Variants in CAMTA1 observed in about 807,000 individuals in gnomAD.
CAMTA1 encodes calmodulin-binding transcription activator 1.
A neutral mutation model predicts 170.9 loss-of-function variants in CAMTA1; 27 were observed. The observed-to-expected ratio is 0.16, with a 90% CI of 0.12 to 0.22. The LOEUF (loss-of-function observed/expected upper bound fraction) is 0.22, where lower values mean the gene tolerates loss of function less well. Ranked by LOEUF, CAMTA1 falls within the 10% of genes least tolerant of loss-of-function variation. The pLI is 1.00. For missense variants in CAMTA1, 1,619 were observed against 2,217.2 expected (o/e 0.73, Z 5.42); for synonymous variants, 833 against 891.5 (o/e 0.93, Z 1.17).
intron 3 of CAMTA1, among the ~76,000 whole-genome samples, chr1:6,899,392 T>C (rs776956786): frequency 2.2e-4 from 33 of 152,260 alleles, no homozygotes; most frequent in Non-Finnish European, 3.8e-4. Flanking sequence ...CACAACTCCC[T>C]GTAGGGCTGG....
chr1:7,337,943 A>G (rs2083510750), intron 5 of CAMTA1, among the ~76,000 whole-genome samples: 1 of 151,962 alleles, frequency 6.6e-6, no homozygotes, highest in African/African-American at 2.4e-5. Context: ...GTGTGAGCCA[A>G]TTCCTTAGAA....
intron 4 of CAMTA1, among the ~76,000 whole-genome samples, chr1:7,143,693 T>C (rs1646018470): frequency 1.3e-5 from 2 of 152,222 alleles, no homozygotes. Flanking sequence ...TACTCAGCTA[T>C]ATAGCAAACA....
chr1:7,638,653 A>G (rs554664399), intron 6 of CAMTA1, among the ~76,000 whole-genome samples: 9 of 152,246 alleles, frequency 5.9e-5, no homozygotes, highest in African/African-American at 2.2e-4. Flanking sequence ...AGGAAAAAAA[A>G]AAGGTTCAAG....
At chr1:6,789,696 C>G (rs1277243050) in intron 1 of CAMTA1, among the ~76,000 whole-genome samples, 1 of 151,928 alleles carries the variant, frequency 6.6e-6, no homozygotes, top group Non-Finnish European at 1.5e-5. Context: ...TTCAGGAGAC[C>G]TTTACCGAGC....
intron 6 of CAMTA1, among the ~76,000 whole-genome samples, chr1:7,593,108 T>G (rs981485835): frequency 2.0e-5 from 3 of 152,194 alleles, no homozygotes; most frequent in African/African-American, 7.2e-5. Context: ...GGGCAGTGAT[T>G]TCTCATCCAG....
intron 11 of CAMTA1, among the ~76,000 whole-genome samples, chr1:7,723,938 A>G (rs1368719379): frequency 6.6e-6 from 1 of 151,962 alleles, no homozygotes; most frequent in African/African-American, 2.4e-5. Flanking sequence ...TCCTGCCTCA[A>G]TCTCCCAAGT....
At chr1:6,804,146 C>T (rs910254685) in intron 1 of CAMTA1, among the ~76,000 whole-genome samples, 3 of 150,678 alleles carry the variant, frequency 2.0e-5, no homozygotes, top group Non-Finnish European at 4.4e-5. Flanking sequence ...ATTGTGCCAT[C>T]GCACTCCAGC....
chr1:7,128,437 G>C (rs1401417602), intron 4 of CAMTA1, among the ~76,000 whole-genome samples: 1 of 152,178 alleles, frequency 6.6e-6, no homozygotes, highest in African/African-American at 2.4e-5. Flanking sequence ...TGAGATAGCA[G>C]GTGTTAGAAA....
intron 4 of CAMTA1, among the ~76,000 whole-genome samples, chr1:7,107,233 A>G (rs1288172737): frequency 1.3e-5 from 2 of 150,916 alleles, no homozygotes; most frequent in Non-Finnish European, 2.9e-5. Flanking sequence ...CCCAGACGGC[A>G]CACGCAGGAG....
At chr1:7,515,931 C>G (rs1485658438) in intron 6 of CAMTA1, among the ~76,000 whole-genome samples, 1 of 152,188 alleles carries the variant, frequency 6.6e-6, no homozygotes, top group African/African-American at 2.4e-5. Context: ...GATTGTGGAG[C>G]CTGGTGGCTC....
chr1:7,479,025 G>A (rs952283429), intron 6 of CAMTA1, among the ~76,000 whole-genome samples: 4 of 152,198 alleles, frequency 2.6e-5, no homozygotes, highest in African/African-American at 7.2e-5. Context: ...AGTGGAAGAC[G>A]TGGGCGGTGG....
intron 7 of CAMTA1, among the ~76,000 whole-genome samples, chr1:7,656,575 G>A (rs997893912): frequency 7.9e-5 from 12 of 152,226 alleles, no homozygotes; most frequent in Non-Finnish European, 1.2e-4. Flanking sequence ...GAGGAAAATA[G>A]GACGGCCCTA....
At chr1:6,874,073 C>T (rs1669145441) in intron 3 of CAMTA1, 1 of 152,240 alleles carries the variant, frequency 6.6e-6, no homozygotes. Flanking sequence ...GTTTTATCCT[C>T]TGTGAAATGT....
chr1:7,688,347 T>C (rs1231851075), intron 11 of CAMTA1, among the ~76,000 whole-genome samples: 1 of 152,180 alleles, frequency 6.6e-6, no homozygotes, highest in African/African-American at 2.4e-5. Context: ...GTGGGTCAGC[T>C]GTTCCACTAA....
At chr1:6,866,556 C>T (rs755613270) in intron 3 of CAMTA1, among the ~76,000 whole-genome samples, 80 of 151,994 alleles carry the variant, frequency 5.3e-4, no homozygotes, top group Non-Finnish European at 9.7e-4. Context: ...GATCATTTTT[C>T]CCTAGTGGGT....
chr1:7,248,934 C>T lies in CAMTA1; in HGVS notation c.303-557C>T, dbSNP rs1156385226. ...ACTTAGCTTGCTTGAGAAGCAAGAC[C>T]GCAGATGCTCTTTCATATCTAGCAG... On this transcript the variant is annotated intron_variant, in intron 4 of 22. Coordinates refer to ENST00000303635, the MANE Select transcript of CAMTA1 (RefSeq NM_015215.4). This position sits in a 1 kb window ranked among gnomAD's most constrained non-coding sequence, Gnocchi z 4.0. Among the ~76,000 whole-genome samples, 2 of 152,234 alleles carry T rather than the reference C, an allele frequency of 1.3e-5. No homozygotes were observed. Among genetic ancestry groups the T allele is most frequent in the East Asian group, 1.9e-4 (1 of 5,182 alleles).
rs540831780 is a variant in CAMTA1 at position 7,173,102 on chromosome 1, C to T, written c.303-76389C>T. Among the ~76,000 whole-genome samples, 144 of 152,328 alleles carry T rather than the reference C, an allele frequency of 9.5e-4. 1 individual carries two copies. The highest frequency in any genetic ancestry group is 3.4e-3 in the African/African-American group (141 of 41,572). The stretch of plus-strand genomic sequence containing the variant: ...GCAAGAGCAGCCAGACGCTGCGTCC[C>T]TCCTGTCTCTTCAGCTGCGCCTTCC... On this transcript the variant is annotated intron_variant, in intron 4 of 22. Coordinates refer to ENST00000303635, the MANE Select transcript of CAMTA1 (RefSeq NM_015215.4). This position sits in a 1 kb window ranked among gnomAD's most constrained non-coding sequence, Gnocchi z 5.4.
intron 5 of CAMTA1, among the ~76,000 whole-genome samples, chr1:7,328,341 A>G (rs2082819372): frequency 1.9e-5 from 2 of 105,348 alleles, no homozygotes; most frequent in African/African-American, 9.1e-5. Context: ...GCAAAAAAAA[A>G]TTCTTTTGCT....
chr1:7,638,945 C>G lies in CAMTA1; in HGVS notation c.511-1455C>G, dbSNP rs185144765. Among the ~76,000 whole-genome samples, 1,161 of 152,184 alleles carry G rather than the reference C, an allele frequency of 7.6e-3. 16 individuals carry two copies. The highest frequency in any genetic ancestry group is 0.027 in the African/African-American group (1,117 of 41,502). On this transcript the variant is annotated intron_variant, in intron 6 of 22. Transcript: ENST00000303635. ...TTCTTAATAAGATGTGATGAGAAGG[C>G]GCTGACTGTTAAATGGAACTGATTT...
Sources: gnomAD v4.1 joint callset for allele counts (sites outside exome capture counted in the v4.1 genomes callset) on GRCh38, gnomAD v4.1.1 for gene constraint, Gnocchi (gnomAD v3.1) non-coding constraint, MANE v1.5 for transcripts, NCBI Gene and HGNC (gene_info 2026-07-23, HGNC 2026-07-21) for gene names.